Variants in TMOD3 observed in about 807,000 individuals in gnomAD.
The protein encoded by TMOD3 is tropomodulin 3.
TMOD3 carries 20 observed loss-of-function variants against 39.2 expected under a neutral mutation model. The observed-to-expected ratio is 0.51, with a 90% CI of 0.36 to 0.74. The LOEUF (loss-of-function observed/expected upper bound fraction) is 0.74. Ranked by LOEUF, TMOD3 falls within the 30% of genes least tolerant of loss-of-function variation. The pLI, the probability that TMOD3 is intolerant of heterozygous loss-of-function variation, is 0.00. For missense variants in TMOD3, 381 were observed against 412.8 expected, an observed-to-expected ratio of 0.92 and a Z score of 0.67; for synonymous variants, 143 against 145.8, an observed-to-expected ratio of 0.98 and a Z score of 0.14.
intron 2 of TMOD3, among the ~76,000 whole-genome samples, chr15:51,868,292 T>C (rs990092740): frequency 2.8e-5 from 4 of 141,824 alleles, no homozygotes; most frequent in African/African-American, 1.0e-4. Flanking sequence ...TTATTAAGCA[T>C]TAATAAAACT....
In TMOD3 at chr15:51,869,285, T is replaced by C. The variant is rs1338386424; in HGVS notation, c.195T>C (p.Asp65=). 1 of 1,614,172 alleles carries C rather than the reference T, an allele frequency of 6.2e-7. No individual in the cohort carries two copies. The highest frequency in any genetic ancestry group is 8.5e-7 in the Non-Finnish European group (1 of 1,180,034). The change falls in exon 3 of 10, where the codon GAT becomes GAC. Residue 65 remains aspartate (D), a synonymous_variant. Coordinates refer to ENST00000308580, the MANE Select transcript of TMOD3 (RefSeq NM_014547.5). The stretch of plus-strand genomic sequence containing the variant: ...CAAAGTCCACCACAGGGCCATTTGA[T>C]AGAGAGCATCTCCTTTCATATCTGG... ...QTSKSTTGPF[D]REHLLSYLEK... is the part of the protein sequence containing the mutation.
In TMOD3 at chr15:51,908,833, G is replaced by A. The variant is rs547912315; in HGVS notation, c.*23G>A. ...TAAGTCTGCAAAGGTGTAATCTTTG[G>A]AAGACTTCAGAAGATCACCAAGGGC... On this transcript the variant is annotated 3_prime_UTR_variant, in exon 10 of 10. Coordinates refer to ENST00000308580, the MANE Select transcript of TMOD3 (RefSeq NM_014547.5). 6.3e-7 allele frequency: 1 copy of A among 1,586,254 alleles called. No individual in the cohort carries two copies. The highest frequency in any genetic ancestry group is 2.3e-5 in the East Asian group (1 of 43,984).
At chr15:51,875,095 G>A (rs1461474008) in intron 3 of TMOD3, 1 of 152,128 alleles carries the variant, frequency 6.6e-6, no homozygotes, top group Non-Finnish European at 1.5e-5. Context: ...TTTATTCACA[G>A]TTATGTTAGC....
intron 9 of TMOD3, among the ~76,000 whole-genome samples, chr15:51,906,873 A>G (rs2056684158): frequency 6.6e-6 from 1 of 152,012 alleles, no homozygotes; most frequent in African/African-American, 2.4e-5. Flanking sequence ...GTACAAAATT[A>G]GCCAGGTGTG....
intron 1 of TMOD3, chr15:51,860,395 G>T: frequency 9.2e-6 from 5 of 544,908 alleles, no homozygotes; most frequent in South Asian, 6.9e-5. Flanking sequence ...TGAAATTCTT[G>T]CTTTTCCTTC....
intron 1 of TMOD3, among the ~76,000 whole-genome samples, chr15:51,839,479 T>G (rs1234222310): frequency 2.0e-5 from 3 of 152,134 alleles, no homozygotes; most frequent in African/African-American, 4.8e-5. Context: ...TCTTCTCTTA[T>G]TTGGTGTCTA....
At chr15:51,833,388 T>A (rs1197585121) in intron 1 of TMOD3, 3 of 152,250 alleles carry the variant, frequency 2.0e-5, no homozygotes, top group African/African-American at 7.2e-5. Flanking sequence ...TTTTTATTGA[T>A]GTATAATTAA....
intron 3 of TMOD3, among the ~76,000 whole-genome samples, chr15:51,878,519 G>A (rs1247983960): frequency 6.6e-6 from 1 of 152,064 alleles, no homozygotes; most frequent in Non-Finnish European, 1.5e-5. Flanking sequence ...TTCAGTTGCT[G>A]TTCTATTTCC....
At chr15:51,881,949 C>T (rs941636251) in intron 3 of TMOD3, among the ~76,000 whole-genome samples, 7 of 151,474 alleles carry the variant, frequency 4.6e-5, no homozygotes, top group Non-Finnish European at 1.5e-5. Flanking sequence ...GGCTGGAGTA[C>T]AGTGGCGCAA....
In TMOD3 at chr15:51,862,968, A is replaced by C; in HGVS notation, c.84A>C (p.Glu28Asp). Residue 28 changes from glutamate to aspartate, a missense_variant, in exon 2 of 10, where the codon GAA (glutamate) becomes GAC (aspartate). Coordinates refer to ENST00000308580, the MANE Select transcript of TMOD3 (RefSeq NM_014547.5). ...TCCTTGGGAATCTGTCAGAAACAGAACTGAAACAACTGGAAACTGTTTTGG... is the reference window on the plus strand; with the variant it reads ...TCCTTGGGAATCTGTCAGAAACAGACCTGAAACAACTGGAAACTGTTTTGG... ...DELLGNLSET[E>D]LKQLETVLDD... 2 of 1,614,112 alleles carry C rather than the reference A, an allele frequency of 1.2e-6. No individual in the cohort carries two copies. The highest frequency in any genetic ancestry group is 1.7e-6 in the Non-Finnish European group (2 of 1,179,958).
intron 1 of TMOD3, among the ~76,000 whole-genome samples, chr15:51,832,204 T>A (rs1426048373): frequency 4.8e-5 from 2 of 41,360 alleles, no homozygotes; most frequent in Non-Finnish European, 9.0e-5. Context: ...GAAAAAAAAT[T>A]ATATATATAT....
At chr15:51,867,511 C>T (rs1277249784) in intron 2 of TMOD3, among the ~76,000 whole-genome samples, 1 of 152,134 alleles carries the variant, frequency 6.6e-6, no homozygotes, top group Non-Finnish European at 1.5e-5. Flanking sequence ...AAGGGTAACA[C>T]AGAAGTGAAT....
chr15:51,915,162 T>G lies in TMOD3; in HGVS notation c.*6352T>G, dbSNP rs2056727933. The G allele has an allele frequency of 6.6e-6, 1 of 152,190 alleles. No homozygotes were observed. The allele number at this position is 152,190 out of a possible 1,614,324, so 9.4% of individuals were successfully genotyped here. On this transcript the variant is annotated 3_prime_UTR_variant, in exon 10 of 10. Transcript: ENST00000308580. ...GCCTAAAATGTTTCAAATATTATAG[T>G]CTATACATTCAGAAAGTAAGGTTTA... is the stretch of plus-strand genomic sequence containing the variant.
chr15:51,885,284 CT>C (rs67378569), intron 3 of TMOD3, among the ~76,000 whole-genome samples: 12,432 of 126,992 alleles, frequency 0.098, 483 homozygotes, highest in African/African-American at 0.14. Context: ...TTTCTTTTTT[CT>C]TTTTTTTTTT....
intron 4 of TMOD3, 100 bp downstream of exon 4, chr15:51,887,811 C>A (rs113589323): frequency 9.7e-6 from 14 of 1,439,762 alleles, no homozygotes; most frequent in African/African-American, 5.8e-5. Flanking sequence ...CTTTACCTAG[C>A]AAGTACTGTT....
intron 1 of TMOD3, among the ~76,000 whole-genome samples, chr15:51,846,268 C>G (rs1353844093): frequency 6.6e-6 from 1 of 152,092 alleles, no homozygotes; most frequent in Non-Finnish European, 1.5e-5. Flanking sequence ...GAGTTTGAGG[C>G]TGCCATGAGC....
intron 7 of TMOD3, among the ~76,000 whole-genome samples, chr15:51,898,785 T>A (rs2056634124): frequency 6.6e-6 from 1 of 152,210 alleles, no homozygotes; most frequent in Non-Finnish European, 1.5e-5. Flanking sequence ...TATAAACTCA[T>A]GATCATTGTT....
rs1223763498 is a variant in TMOD3, at chr15:51,839,589, T to A, written c.-75+9753T>A. ...TTTTCGAGACAGGCTTTCGCTGTCA[T>A]CCAGGCTGGCGTGCAGGTGTGATCA... On this transcript the variant is annotated intron_variant, in intron 1 of 9. Transcript: ENST00000308580. Among the ~76,000 whole-genome samples, 4 of 149,500 alleles carry A rather than the reference T, an allele frequency of 2.7e-5. No individual in the cohort carries two copies. In the East Asian group the frequency reaches 8.1e-4, roughly 30 times the overall value.
At chr15:51,895,656 C>G (rs1372535448) in intron 6 of TMOD3, among the ~76,000 whole-genome samples, 2 of 152,166 alleles carry the variant, frequency 1.3e-5, no homozygotes, top group African/African-American at 4.8e-5. Flanking sequence ...AGTATTTTCT[C>G]TCCTTCAAGT....
Sources: gnomAD v4.1 joint callset for allele counts (sites outside exome capture counted in the v4.1 genomes callset) on GRCh38, gnomAD v4.1.1 for gene constraint, MANE v1.5 for transcripts, NCBI Gene and HGNC (gene_info 2026-07-23, HGNC 2026-07-21) for gene names.